Variants in RABGAP1L observed in about 807,000 individuals in gnomAD.
RABGAP1L encodes rab GTPase-activating protein 1-like.
A neutral mutation model predicts 137.7 loss-of-function variants in RABGAP1L; 63 were observed. The ratio of observed to expected loss-of-function variants is 0.46; its 90% CI spans 0.37 to 0.56. RABGAP1L has a LOEUF of 0.56. Ranked by LOEUF, RABGAP1L falls within the 20% of genes least tolerant of loss-of-function variation. The pLI is 0.00. For synonymous variants in RABGAP1L, 431 were observed against 433.7 expected (o/e 0.99, Z 0.08); for missense variants, 1,095 against 1,244.0 (o/e 0.88, Z 1.80).
intron 11 of RABGAP1L, among the ~76,000 whole-genome samples, chr1:174,334,748 G>A (rs143929208): frequency 6.6e-6 from 1 of 151,870 alleles, no homozygotes; most frequent in Admixed American, 6.6e-5. Context: ...GTGAAATCTT[G>A]CCAGCTCAGT....
chr1:174,268,325 C>T (rs964528962), intron 7 of RABGAP1L, among the ~76,000 whole-genome samples: 5 of 151,328 alleles, frequency 3.3e-5, no homozygotes, highest in Admixed American at 3.3e-4. Context: ...TCAGCCTCCT[C>T]GGTAGCTGGG....
chr1:174,637,526 C>T (rs189160997), intron 14 of RABGAP1L, 38 bp downstream of exon 14: 18 of 1,429,328 alleles, frequency 1.3e-5, no homozygotes, highest in Middle Eastern at 1.9e-4. Context: ...AATTATTTTA[C>T]AGAGCTATAT....
chr1:174,473,865 G>A (rs890046924), intron 13 of RABGAP1L, among the ~76,000 whole-genome samples: 3 of 152,140 alleles, frequency 2.0e-5, no homozygotes, highest in African/African-American at 4.8e-5. Flanking sequence ...CTCTAACTCC[G>A]TTGTAGTAGA....
At chr1:174,222,820 G>A (rs1284182956) in intron 3 of RABGAP1L, among the ~76,000 whole-genome samples, 1 of 152,156 alleles carries the variant, frequency 6.6e-6, no homozygotes, top group African/African-American at 2.4e-5. Context: ...ATTTAAGAAA[G>A]TGAATGGATA....
intron 15 of RABGAP1L, among the ~76,000 whole-genome samples, chr1:174,692,160 A>T (rs769338730): frequency 6.6e-6 from 1 of 152,166 alleles, no homozygotes; most frequent in Non-Finnish European, 1.5e-5. Context: ...GACTTCATTA[A>T]AAAGGCAGAT....
chr1:174,637,348 A>G, intron 13 of RABGAP1L, 27 bp from the exon 14 acceptor site: 1 of 1,491,800 alleles, frequency 6.7e-7, no homozygotes, highest in African/African-American at 1.4e-5. Flanking sequence ...AAATTTAATA[A>G]CCAGGTCTAT....
At chr1:174,223,301 G>A (rs1669908646) in intron 3 of RABGAP1L, among the ~76,000 whole-genome samples, 1 of 139,170 alleles carries the variant, frequency 7.2e-6, no homozygotes, top group African/African-American at 2.6e-5. Flanking sequence ...AAATTAGCTG[G>A]GCAGGGTGGT....
intron 19 of RABGAP1L, among the ~76,000 whole-genome samples, chr1:174,839,936 GAT>G (rs1693201449): frequency 6.6e-6 from 1 of 152,180 alleles, no homozygotes; most frequent in Non-Finnish European, 1.5e-5. Flanking sequence ...GGGAGAGATA[GAT>G]ATAGACAGTG....
intron 14 of RABGAP1L, among the ~76,000 whole-genome samples, chr1:174,665,812 C>T (rs1007784437): frequency 5.9e-5 from 9 of 152,224 alleles, no homozygotes; most frequent in Non-Finnish European, 1.3e-4. Context: ...TACTTACTCC[C>T]AGAGGGGTGT....
intron 5 of RABGAP1L, among the ~76,000 whole-genome samples, chr1:174,242,780 A>G (rs372597697): frequency 2.0e-5 from 3 of 152,232 alleles, no homozygotes; most frequent in Admixed American, 6.5e-5. Context: ...GGCTTTATCT[A>G]TTTTTTTCCC....
chr1:174,465,295 G>T (rs542665971), intron 13 of RABGAP1L, among the ~76,000 whole-genome samples: 2 of 152,296 alleles, frequency 1.3e-5, no homozygotes, highest in East Asian at 3.9e-4. Context: ...CGCCTCCCGG[G>T]TTTGAGCAAT....
chr1:174,934,523 G>A (rs529911507), intron 19 of RABGAP1L, among the ~76,000 whole-genome samples: 4 of 152,110 alleles, frequency 2.6e-5, no homozygotes, highest in South Asian at 2.1e-4. Context: ...ATGGTGGCTC[G>A]CGTGTGTAAT....
intron 18 of RABGAP1L, among the ~76,000 whole-genome samples, chr1:174,762,673 C>G (rs1168476267): frequency 1.3e-5 from 2 of 152,096 alleles, no homozygotes; most frequent in Non-Finnish European, 2.9e-5. Flanking sequence ...ATAGTAGGCA[C>G]TTAAATATTT....
rs994161231 is a variant in RABGAP1L at position 174,712,164 on chromosome 1, C to G, written c.2169+9908C>G. ...TGTCTGTAAAACGGACCAATCAGCT[C>G]TCTGTAAAACAGACCAATCAGCAGG... On this transcript the variant is annotated intron_variant, in intron 17 of 25. Transcript: ENST00000681986. Among the ~76,000 whole-genome samples the G allele has an allele frequency of 7.2e-5, 11 of 152,156 alleles. 1 individual carries two copies. The highest frequency in any genetic ancestry group is 2.7e-4 in the African/African-American group (11 of 41,428).
chr1:174,373,701 C>G (rs1391216261), intron 12 of RABGAP1L, among the ~76,000 whole-genome samples: 2 of 152,158 alleles, frequency 1.3e-5, no homozygotes, highest in Non-Finnish European at 2.9e-5. Flanking sequence ...CAGGAGTTAA[C>G]GATATAGCTG....
rs115695645 is a variant in RABGAP1L at position 174,734,325 on chromosome 1, A to T, written c.2170-17988A>T. The stretch of plus-strand genomic sequence containing the variant: ...CTAGCTGACGACCAGGTATGACCAT[A>T]GGGAACTCGGGAGATGGTAGTATTC... On this transcript the variant is annotated intron_variant, in intron 17 of 25. Coordinates refer to ENST00000681986, the MANE Select transcript of RABGAP1L (RefSeq NM_001366446.1). Among the ~76,000 whole-genome samples, 675 of 152,318 alleles carry T rather than the reference A, an allele frequency of 4.4e-3. 2 individuals carry two copies. Among genetic ancestry groups the T allele is most frequent in the Non-Finnish European group, 7.8e-3 (528 of 68,018 alleles).
intron 13 of RABGAP1L, among the ~76,000 whole-genome samples, chr1:174,546,595 C>G (rs951714815): frequency 2.0e-5 from 3 of 152,128 alleles, no homozygotes; most frequent in African/African-American, 4.8e-5. Flanking sequence ...GAATCCTTTT[C>G]CATAGAAGGT....
At chr1:174,712,379 C>G (rs1482845831) in intron 17 of RABGAP1L, among the ~76,000 whole-genome samples, 2 of 152,190 alleles carry the variant, frequency 1.3e-5, no homozygotes, top group African/African-American at 2.4e-5. Context: ...GCTAGTGAGA[C>G]CACGAACCCA....
Position 174,460,970 on chromosome 1 carries a change from ATCT to A in RABGAP1L, c.1710+66829_1710+66831del, listed in dbSNP as rs566181033. ...TTTCAGAAGTCTTTAAGCTCAGATA[ATCT>A]TCTCACTATTGTTATCTCACAATTT... On this transcript the variant is annotated intron_variant, in intron 13 of 25. Coordinates refer to ENST00000681986, the MANE Select transcript of RABGAP1L (RefSeq NM_001366446.1). 2.8e-3 allele frequency among the ~76,000 whole-genome samples: 426 copies of A among 152,176 alleles called. 3 individuals carry two copies. Among genetic ancestry groups the A allele is most frequent in the African/African-American group, 9.7e-3 (403 of 41,530 alleles).
Sources: gnomAD v4.1 joint callset for allele counts (sites outside exome capture counted in the v4.1 genomes callset) on GRCh38, gnomAD v4.1.1 for gene constraint, MANE v1.5 for transcripts, NCBI Gene and HGNC (gene_info 2026-07-23, HGNC 2026-07-21) for gene names.